Variants in PRELID2 observed in about 807,000 individuals in gnomAD.
The protein encoded by PRELID2 is PRELI domain containing 2, also known as PRELI domain-containing protein 2.
In PRELID2, 25 loss-of-function variants were observed where a neutral mutation model predicts 28.4. The ratio of observed to expected loss-of-function variants is 0.88; its 90% CI spans 0.64 to 1.23. The LOEUF (loss-of-function observed/expected upper bound fraction) is 1.23. Ranked by LOEUF, PRELID2 falls within the 50% of genes most tolerant of loss-of-function variation. The probability of loss-of-function intolerance (pLI) is 0.00; values close to 1 mark genes in which losing one functional copy is unlikely to be tolerated. For missense variants in PRELID2, 201 were observed against 214.4 expected (o/e 0.94, Z 0.39); for synonymous variants, 76 against 71.6 (o/e 1.06, Z -0.31).
chr5:145,313,339 T>G, the PRELID2 span, among the ~76,000 whole-genome samples: 3 of 152,360 alleles, frequency 2.0e-5, no homozygotes, highest in East Asian at 5.8e-4. Context: ...GTTTTCCTTT[T>G]GCATTTCCAA....
intron 1 of PRELID2, among the ~76,000 whole-genome samples, chr5:145,706,392 T>G (rs1204193307): frequency 1.3e-5 from 2 of 152,240 alleles, no homozygotes; most frequent in Non-Finnish European, 2.9e-5. Flanking sequence ...CAAAAATTGA[T>G]GAGCGTAACT....
the PRELID2 span, among the ~76,000 whole-genome samples, chr5:145,425,595 G>A: frequency 9.9e-5 from 15 of 152,242 alleles, 1 homozygote; most frequent in East Asian, 5.8e-4. Context: ...ACAAGATTAC[G>A]TCCTTTGTTG....
chr5:145,416,729 G>C, the PRELID2 span, among the ~76,000 whole-genome samples: 1 of 151,874 alleles, frequency 6.6e-6, no homozygotes, highest in Non-Finnish European at 1.5e-5. Flanking sequence ...TAACATCACA[G>C]CTAAAAGAAC....
chr5:145,790,891 GTATA>G (rs3038407), intron 5 of PRELID2, among the ~76,000 whole-genome samples: 5 of 141,408 alleles, frequency 3.5e-5, no homozygotes, highest in African/African-American at 1.0e-4. Flanking sequence ...TCACTTCTGG[GTATA>G]TATATATATA....
At chr5:145,433,648 A>G in the PRELID2 span, among the ~76,000 whole-genome samples, 1 of 152,022 alleles carries the variant, frequency 6.6e-6, no homozygotes, top group Admixed American at 6.5e-5. Context: ...TCTGAGCCCC[A>G]GCCTTGGCAG....
chr5:145,673,886 CA>C, intron 1 of PRELID2, among the ~76,000 whole-genome samples: 1 of 151,942 alleles, frequency 6.6e-6, no homozygotes, highest in East Asian at 1.9e-4. Flanking sequence ...TTCTGAAAAA[CA>C]CAGAAGCAGA....
chr5:145,832,511 T>C (rs894035071), intron 1 of PRELID2, among the ~76,000 whole-genome samples: 4 of 152,082 alleles, frequency 2.6e-5, no homozygotes, highest in South Asian at 2.1e-4. Flanking sequence ...AAACCCTGTA[T>C]TACCTCAATA....
At chr5:145,461,065 T>C in the PRELID2 span, among the ~76,000 whole-genome samples, 1 of 152,222 alleles carries the variant, frequency 6.6e-6, no homozygotes, top group African/African-American at 2.4e-5. Context: ...GAGCTTTGTG[T>C]GTATAAATAC....
rs1314656736 is a variant in PRELID2, at chr5:145,740,703, A to C, written n.70+24228T>G. ...TTATATTTAATATATTATTTATATT[A>C]AATATAATATAAATATATTACATTA... On this transcript the variant is annotated intron_variant and non_coding_transcript_variant, in intron 1 of 2. Coordinates refer to the PRELID2 transcript ENST00000510259. Among the ~76,000 whole-genome samples the C allele has an allele frequency of 1.8e-4, 22 of 120,104 alleles. No homozygotes were observed. In the South Asian group the frequency reaches 5.0e-3, roughly 27 times the overall value. The allele number at this position is 120,104 out of a possible 152,430, so 78.8% of individuals were successfully genotyped here.
chr5:145,726,728 A>T (rs1162468124), intron 1 of PRELID2, among the ~76,000 whole-genome samples: 1 of 152,180 alleles, frequency 6.6e-6, no homozygotes, highest in Non-Finnish European at 1.5e-5. Flanking sequence ...CAGTTCCCTC[A>T]GCCCAGTTCT....
At chr5:145,635,618 G>A (rs568439781) in intron 1 of PRELID2, among the ~76,000 whole-genome samples, 4 of 152,274 alleles carry the variant, frequency 2.6e-5, no homozygotes, top group East Asian at 1.9e-4. Flanking sequence ...CTGAGCTCTC[G>A]CCTCTAACAT....
intron 1 of PRELID2, among the ~76,000 whole-genome samples, chr5:145,728,080 C>A (rs1160772012): frequency 3.3e-5 from 5 of 152,116 alleles, no homozygotes; most frequent in Non-Finnish European, 5.9e-5. Flanking sequence ...TCTGTCCCTG[C>A]AAATCTCTGC....
chr5:145,263,926 T>C, the PRELID2 span, among the ~76,000 whole-genome samples: 1 of 151,832 alleles, frequency 6.6e-6, no homozygotes, highest in East Asian at 1.9e-4. Flanking sequence ...GGAGTCTCTC[T>C]GTCACCCAGC....
the PRELID2 span, among the ~76,000 whole-genome samples, chr5:145,356,960 T>C: frequency 6.6e-6 from 1 of 152,196 alleles, no homozygotes; most frequent in Non-Finnish European, 1.5e-5. Context: ...TAGCAACTGC[T>C]TGTCTGAAAA....
Position 145,817,952 on chromosome 5 carries a change from G to C in PRELID2, c.310C>G (p.Gln104Glu). The C allele has an allele frequency of 6.3e-7, 1 of 1,599,758 alleles. No individual in the cohort carries two copies. Among genetic ancestry groups the C allele is most frequent in the South Asian group, 1.1e-5 (1 of 88,224 alleles). Residue 104 changes from glutamine (Q) to glutamate (E), a missense_variant, in exon 4 of 7, where the codon CAG becomes GAG. By Grantham distance (29) the Gln-to-Glu change is conservative. Transcript: ENST00000683046. ...GACTCTTCCTTCATGGATGCATACT[G>C]TGTCCACGTAAGGCAGTGACTCCGT... ...AIRSHCLTWTQYASMKEESVF... is the reference protein window; with the variant it reads ...AIRSHCLTWTEYASMKEESVF...
intron 1 of PRELID2, among the ~76,000 whole-genome samples, chr5:145,714,007 A>G (rs915423072): frequency 1.3e-5 from 2 of 152,074 alleles, no homozygotes; most frequent in African/African-American, 4.8e-5. Flanking sequence ...AAAAGTCTAT[A>G]GCAGACTAAG....
intron 1 of PRELID2, among the ~76,000 whole-genome samples, chr5:145,536,607 A>T (rs1752701034): frequency 6.6e-6 from 1 of 151,630 alleles, no homozygotes. Flanking sequence ...AGACAAGGGA[A>T]GAGAGGAAAA....
the PRELID2 span, among the ~76,000 whole-genome samples, chr5:145,389,972 T>C: frequency 6.6e-6 from 1 of 152,210 alleles, no homozygotes; most frequent in African/African-American, 2.4e-5. Context: ...TCAACAAACA[T>C]TTACTGAGCA....
At chr5:145,817,445 A>ATATATATATC (rs1406037109) in intron 4 of PRELID2, among the ~76,000 whole-genome samples, 2 of 135,158 alleles carry the variant, frequency 1.5e-5, no homozygotes, top group African/African-American at 5.3e-5. Context: ...ATATATATAT[A>ATATATATATC]TATCACATGG....
Sources: gnomAD v4.1 joint callset for allele counts (sites outside exome capture counted in the v4.1 genomes callset) on GRCh38, gnomAD v4.1.1 for gene constraint, MANE v1.5 for transcripts, NCBI Gene and HGNC (gene_info 2026-07-23, HGNC 2026-07-21) for gene names.